LCLAT1: variants seen among roughly 807,000 people sequenced by gnomAD.
LCLAT1 encodes the protein lysocardiolipin acyltransferase 1, also known as 1-AGP acyltransferase 8.
Under a neutral mutation model 30.7 loss-of-function variants are expected in LCLAT1, and 11 were observed. That is an observed-to-expected ratio of 0.36 (90% CI 0.23 to 0.59). The LOEUF is 0.59. LCLAT1 is among the 20% of genes least tolerant of loss of function. The pLI, the probability that LCLAT1 is intolerant of heterozygous loss-of-function variation, is 0.77. For missense variants in LCLAT1, 402 were observed against 458.6 expected (o/e 0.88, Z 1.13); for synonymous variants, 155 against 151.3 (o/e 1.02, Z -0.18).
intron 5 of LCLAT1, among the ~76,000 whole-genome samples, chr2:30,629,405 C>G (rs758632966): frequency 1.8e-4 from 27 of 151,964 alleles, no homozygotes; most frequent in Non-Finnish European, 5.9e-5. Context: ...ACTAAAAATA[C>G]AAAAATTAGC....
intron 1 of LCLAT1, among the ~76,000 whole-genome samples, chr2:30,482,292 AT>A (rs1280510225): frequency 1.3e-5 from 2 of 152,056 alleles, no homozygotes; most frequent in Non-Finnish European, 2.9e-5. Flanking sequence ...TGTAGGTTAG[AT>A]TTTTTTTCCA....
At chr2:30,477,210 C>G (rs918545524) in intron 1 of LCLAT1, among the ~76,000 whole-genome samples, 3 of 152,134 alleles carry the variant, frequency 2.0e-5, no homozygotes, top group Non-Finnish European at 4.4e-5. Flanking sequence ...GCTAGGATAG[C>G]TGTTGTCCTT....
At chr2:30,514,774 A>C (rs913466489) in intron 1 of LCLAT1, among the ~76,000 whole-genome samples, 1 of 152,226 alleles carries the variant, frequency 6.6e-6, no homozygotes, top group Non-Finnish European at 1.5e-5. Flanking sequence ...ATTTTTGCCA[A>C]CAAGTCCCAT....
At chr2:30,505,328 C>CTT (rs3061277) in intron 1 of LCLAT1, among the ~76,000 whole-genome samples, 28 of 138,282 alleles carry the variant, frequency 2.0e-4, no homozygotes, top group Non-Finnish European at 3.6e-4. Context: ...AGGGGCAAAA[C>CTT]TTTTTTTTTT....
intron 1 of LCLAT1, among the ~76,000 whole-genome samples, chr2:30,478,181 A>G (rs1477971869): frequency 6.6e-6 from 1 of 152,134 alleles, no homozygotes; most frequent in Non-Finnish European, 1.5e-5. Context: ...AGTTTTATAA[A>G]TCATTATTTG....
intron 1 of LCLAT1, among the ~76,000 whole-genome samples, chr2:30,491,555 A>G (rs1407283385): frequency 6.6e-6 from 1 of 152,144 alleles, no homozygotes; most frequent in African/African-American, 2.4e-5. Context: ...GATTTGCTGT[A>G]TTTCTGACTC....
At chr2:30,456,259 C>A (rs1160101224) in intron 1 of LCLAT1, among the ~76,000 whole-genome samples, 1 of 152,164 alleles carries the variant, frequency 6.6e-6, no homozygotes, top group African/African-American at 2.4e-5. Context: ...CCTTCTTACC[C>A]CTGGGCGGAG....
intron 1 of LCLAT1, among the ~76,000 whole-genome samples, chr2:30,521,026 G>A (rs112592102): frequency 9.9e-5 from 15 of 152,162 alleles, no homozygotes; most frequent in African/African-American, 1.4e-4. Flanking sequence ...CACAAAATTC[G>A]GGTCATAAAG....
intron 5 of LCLAT1, among the ~76,000 whole-genome samples, chr2:30,628,087 G>C (rs1010652976): frequency 1.3e-5 from 2 of 152,128 alleles, no homozygotes; most frequent in African/African-American, 4.8e-5. Context: ...TACAACAATA[G>C]AGTTGTCCCT....
chr2:30,466,883 A>G (rs962086636), intron 1 of LCLAT1, among the ~76,000 whole-genome samples: 20 of 152,094 alleles, frequency 1.3e-4, no homozygotes, highest in African/African-American at 2.9e-4. Flanking sequence ...GTTTGTTTTG[A>G]ATTACTCTTA....
intron 3 of LCLAT1, among the ~76,000 whole-genome samples, chr2:30,560,398 G>T (rs1665152338): frequency 6.6e-6 from 1 of 151,688 alleles, no homozygotes; most frequent in South Asian, 2.1e-4. Flanking sequence ...AAGTGCAGTG[G>T]TACGATCTCA....
intron 5 of LCLAT1, among the ~76,000 whole-genome samples, chr2:30,601,869 A>G (rs992491471): frequency 4.6e-5 from 4 of 87,742 alleles, no homozygotes; most frequent in Non-Finnish European, 6.1e-5. Flanking sequence ...TCCTATAGAT[A>G]TCTATCTATA....
intron 5 of LCLAT1, among the ~76,000 whole-genome samples, chr2:30,588,325 A>T (rs80252381): frequency 0.13 from 19,378 of 152,196 alleles, 1,362 homozygotes; most frequent in South Asian, 0.23. Context: ...TTGGGGATAA[A>T]CACCTTGCTC....
intron 5 of LCLAT1, among the ~76,000 whole-genome samples, chr2:30,614,819 A>G (rs1218797487): frequency 6.6e-6 from 1 of 152,202 alleles, no homozygotes; most frequent in Non-Finnish European, 1.5e-5. Context: ...CCTAGTTAAT[A>G]GTAGGCAGTA....
chr2:30,561,562 G>GA (rs1665223616), intron 3 of LCLAT1, among the ~76,000 whole-genome samples: 1 of 152,190 alleles, frequency 6.6e-6, no homozygotes, highest in Admixed American at 6.5e-5. Context: ...TTGCCCTAGA[G>GA]AAAAGGAATG....
At chr2:30,555,787 A>G (rs1421402842) in intron 3 of LCLAT1, among the ~76,000 whole-genome samples, 2 of 151,664 alleles carry the variant, frequency 1.3e-5, no homozygotes, top group Non-Finnish European at 2.9e-5. Flanking sequence ...GGGGTATACA[A>G]TTTCCAAACT....
intron 5 of LCLAT1, among the ~76,000 whole-genome samples, chr2:30,601,867 ATATC>A (rs142084980): frequency 0.24 from 35,645 of 149,686 alleles, 4,712 homozygotes; most frequent in Non-Finnish European, 0.3. Flanking sequence ...GATCCTATAG[ATATC>A]TATCTATAGA....
At chr2:30,563,526 GAGA>G (rs895608464) in intron 4 of LCLAT1, among the ~76,000 whole-genome samples, 6 of 152,202 alleles carry the variant, frequency 3.9e-5, no homozygotes, top group South Asian at 4.1e-4. Context: ...AGCAGAATTT[GAGA>G]AGGATTCAGT....
intron 5 of LCLAT1, among the ~76,000 whole-genome samples, chr2:30,574,696 A>G (rs1665919958): frequency 6.6e-6 from 1 of 152,154 alleles, no homozygotes; most frequent in Non-Finnish European, 1.5e-5. Flanking sequence ...AGTGTCACTC[A>G]CTGAGGATTG....
Sources: allele counts gnomAD v4.1 joint callset (sites outside exome capture counted in the v4.1 genomes callset), GRCh38; gene constraint gnomAD v4.1.1; transcripts MANE v1.5; gene names NCBI Gene and HGNC (gene_info 2026-07-23, HGNC 2026-07-21).